Variants in CDH11 observed in about 807,000 individuals in gnomAD.
The protein encoded by CDH11 is cadherin-11.
In CDH11, 11 loss-of-function variants were observed where a neutral mutation model predicts 67.8. The observed-to-expected ratio is 0.16, with a 90% CI of 0.10 to 0.27. The LOEUF (loss-of-function observed/expected upper bound fraction) is 0.27. Among genes scored for constraint, CDH11 ranks in the 10% least tolerant of loss-of-function variants. CDH11 has a pLI of 1.00. For synonymous variants in CDH11, 419 were observed against 400.0 expected (o/e 1.05, Z -0.57); for missense variants, 847 against 1,031.2 (o/e 0.82, Z 2.45).
intron 11 of CDH11, among the ~76,000 whole-genome samples, chr16:64,962,125 T>G (rs1379177092): frequency 6.6e-6 from 1 of 152,178 alleles, no homozygotes; most frequent in Non-Finnish European, 1.5e-5. Flanking sequence ...TTTATGTAGT[T>G]ATTGCTCTAG....
intron 1 of CDH11, among the ~76,000 whole-genome samples, chr16:65,117,517 A>G (rs1271938068): frequency 1.3e-5 from 2 of 152,208 alleles, no homozygotes; most frequent in African/African-American, 2.4e-5. Flanking sequence ...ATTATACTCC[A>G]GTGCACGAGG....
chr16:65,097,227 G>A (rs1420575038), intron 1 of CDH11, among the ~76,000 whole-genome samples: 1 of 152,156 alleles, frequency 6.6e-6, no homozygotes, highest in East Asian at 1.9e-4. Flanking sequence ...TATACGTGTT[G>A]TAAAGAACAA....
Position 64,945,221 on chromosome 16 carries a change from A to G in CDH11, c.*2382T>C, listed in dbSNP as rs935950225. The G allele has an allele frequency of 1.8e-5, 4 of 224,838 alleles. No individual in the cohort carries two copies. The highest frequency in any genetic ancestry group is 1.8e-4 in the South Asian group (1 of 5,704). 13.9% of individuals were successfully genotyped at this position (224,838 alleles called of 1,614,324 possible). ...TGTGCTCCAAATGAAAAAGGACTCC[A>G]CTAGTTGGGAAAGACATTTTATTTC... is the stretch of plus-strand genomic sequence containing the variant. On this transcript the variant is annotated 3_prime_UTR_variant, in exon 13 of 13. Coordinates refer to ENST00000268603, the MANE Select transcript of CDH11 (RefSeq NM_001797.4).
At chr16:65,030,420 C>T (rs1663507554) in intron 2 of CDH11, among the ~76,000 whole-genome samples, 1 of 152,176 alleles carries the variant, frequency 6.6e-6, no homozygotes, top group African/African-American at 2.4e-5. Context: ...GCAAGTCAAT[C>T]TTCAAGTACC....
intron 2 of CDH11, among the ~76,000 whole-genome samples, chr16:65,028,147 G>T (rs540734345): frequency 2.0e-5 from 3 of 152,134 alleles, no homozygotes; most frequent in Non-Finnish European, 2.9e-5. Context: ...CATATCACAC[G>T]TTTATGCCTT....
At position 64,947,146 on chromosome 16, in the gene CDH11, T is replaced by C. The variant is rs546343981; in HGVS notation, c.*457A>G. ...GTATGGGTTTAAGCTGGCTGAATAT[T>C]ATATATTTCAAGTTTAAAAATGCAC... is the stretch of plus-strand genomic sequence containing the variant. On this transcript the variant is annotated 3_prime_UTR_variant, in exon 13 of 13. Transcript: ENST00000268603. 76 of 1,045,958 alleles carry C rather than the reference T, an allele frequency of 7.3e-5. 1 individual carries two copies. The South Asian group carries it at 3.0e-3, about 41-fold the overall frequency. 64.8% of individuals were successfully genotyped at this position (1,045,958 alleles called of 1,614,324 possible).
intron 1 of CDH11, among the ~76,000 whole-genome samples, chr16:65,097,536 T>C (rs1338097331): frequency 1.3e-5 from 2 of 152,194 alleles, no homozygotes; most frequent in African/African-American, 4.8e-5. Flanking sequence ...CCTATCCACT[T>C]GATGCCAGCA....
chr16:65,015,018 A>T (rs1029147356), intron 2 of CDH11, among the ~76,000 whole-genome samples: 4 of 73,330 alleles, frequency 5.5e-5, no homozygotes, highest in African/African-American at 9.8e-5. Flanking sequence ...TGGCTAATTT[A>T]TTATTATTAT....
intron 1 of CDH11, among the ~76,000 whole-genome samples, chr16:65,064,630 C>CT (rs1246978350): frequency 1.3e-5 from 2 of 152,114 alleles, no homozygotes; most frequent in African/African-American, 2.4e-5. Flanking sequence ...CTAAACAAAC[C>CT]TTTTTTTAAC....
chr16:64,991,441 G>A (rs749336699), intron 6 of CDH11: 2 of 254,784 alleles, frequency 7.8e-6, no homozygotes, highest in Non-Finnish European at 1.6e-5. Flanking sequence ...ATCCAGGTTA[G>A]AAATGAGGAC....
intron 3 of CDH11, among the ~76,000 whole-genome samples, chr16:65,000,362 C>G (rs1277682774): frequency 1.3e-5 from 2 of 152,094 alleles, no homozygotes; most frequent in Non-Finnish European, 2.9e-5. Flanking sequence ...TCATTCTGCC[C>G]TTTGTGGGAA....
chr16:65,057,388 A>T (rs954420178), intron 1 of CDH11, among the ~76,000 whole-genome samples: 5 of 152,158 alleles, frequency 3.3e-5, no homozygotes, highest in Admixed American at 1.3e-4. Flanking sequence ...CAGCCCTTCC[A>T]TCATTGTGCT....
chr16:64,949,083 T>G (rs2071278724), intron 12 of CDH11, among the ~76,000 whole-genome samples: 1 of 152,206 alleles, frequency 6.6e-6, no homozygotes, highest in Non-Finnish European at 1.5e-5. Context: ...CACAGACCAC[T>G]CCTTTTCACT....
At chr16:64,953,442 A>T (rs924081772) in intron 11 of CDH11, among the ~76,000 whole-genome samples, 7 of 152,132 alleles carry the variant, frequency 4.6e-5, no homozygotes, top group Admixed American at 1.3e-4. Context: ...CATTTCATCC[A>T]AAACAACACA....
chr16:64,946,976 T>C lies in CDH11; in HGVS notation c.*627A>G. 1 of 955,164 alleles carries C rather than the reference T, an allele frequency of 1.0e-6. No individual in the cohort carries two copies. The highest frequency in any genetic ancestry group is 1.3e-6 in the Non-Finnish European group (1 of 790,424). The allele number at this position is 955,164 out of a possible 1,614,324, so 59.2% of individuals were successfully genotyped here. On this transcript the variant is annotated 3_prime_UTR_variant, in exon 13 of 13. Transcript: ENST00000268603. ...AGATACATTAAAAATGACATAGAAA[T>C]AGGGCGTCTCTCACTGAAACAAGAC...
intron 1 of CDH11, among the ~76,000 whole-genome samples, chr16:65,069,793 G>A (rs2074384181): frequency 6.6e-6 from 1 of 152,030 alleles, no homozygotes; most frequent in Non-Finnish European, 1.5e-5. Flanking sequence ...AACCTTAGAA[G>A]GTTCTCCCTG....
chr16:64,988,141 C>T lies in CDH11; in HGVS notation c.999+16G>A, dbSNP rs1216940909. On this transcript the variant is annotated intron_variant, in intron 7 of 12. Transcript: ENST00000268603. ...GGCCATACCACTGACACGTCTGATT[C>T]CTTACCCTAACTCACCTTTTTCAGC... The T allele has an allele frequency of 9.4e-6, 15 of 1,594,440 alleles. No individual in the cohort carries two copies. Among genetic ancestry groups the T allele is most frequent in the Non-Finnish European group, 1.0e-5 (12 of 1,168,904 alleles).
chr16:65,026,263 C>T (rs547333767), intron 2 of CDH11, among the ~76,000 whole-genome samples: 1 of 152,254 alleles, frequency 6.6e-6, no homozygotes, highest in East Asian at 1.9e-4. Flanking sequence ...AAAAAATTTT[C>T]TGCAGCATCT....
At chr16:64,972,168 G>T in intron 9 of CDH11, 104 bp from the exon 10 acceptor site, 1 of 964,370 alleles carries the variant, frequency 1.0e-6, no homozygotes. Flanking sequence ...TATCTGGGCA[G>T]TGCAGGGAAA....
Sources: allele counts gnomAD v4.1 joint callset (sites outside exome capture counted in the v4.1 genomes callset), GRCh38; gene constraint gnomAD v4.1.1; transcripts MANE v1.5; gene names NCBI Gene and HGNC (gene_info 2026-07-23, HGNC 2026-07-21).